The following FGF9 variants were observed in gnomAD, a reference collection of about 807,000 sequenced individuals.
The protein encoded by FGF9 is fibroblast growth factor 9.
A neutral mutation model predicts 19.9 loss-of-function variants in FGF9; 3 were observed. That is an observed-to-expected ratio of 0.15 (90% CI 0.07 to 0.39). FGF9 has a LOEUF of 0.39. Among genes scored for constraint, FGF9 ranks in the 10% least tolerant of loss-of-function variants. FGF9 has a pLI of 1.00. For synonymous variants in FGF9, 107 were observed against 106.9 expected, an observed-to-expected ratio of 1.00 and a Z score of -0.01; for missense variants, 175 against 256.8, an observed-to-expected ratio of 0.68 and a Z score of 2.18.
At position 21,692,327 on chromosome 13, in the gene FGF9, A is replaced by G. The variant is rs531756352; in HGVS notation, c.382-8863A>G. Among the ~76,000 whole-genome samples, 17 of 150,178 alleles carry G rather than the reference A, an allele frequency of 1.1e-4. No homozygotes were observed. In the East Asian group the frequency reaches 2.0e-3, roughly 17 times the overall value. On this transcript the variant is annotated intron_variant, in intron 2 of 2. Transcript: ENST00000382353. ...CCATGTGAATTTCTGTGTTTCAGCT[A>G]TTTTTCTTCTGGTTGTGTTGACTTG...
At chr13:21,696,902 A>G (rs1042720671) in intron 2 of FGF9, among the ~76,000 whole-genome samples, 2 of 152,236 alleles carry the variant, frequency 1.3e-5, no homozygotes, top group Admixed American at 6.5e-5. Context: ...AAGCATATGT[A>G]TGATTTAGAT....
intron 2 of FGF9, among the ~76,000 whole-genome samples, chr13:21,690,685 GC>G (rs1872269423): frequency 6.6e-6 from 1 of 152,174 alleles, no homozygotes; most frequent in South Asian, 2.1e-4. Context: ...GTGGTCGTGG[GC>G]AAAAAATGTG....
intron 2 of FGF9, among the ~76,000 whole-genome samples, chr13:21,695,083 CGTGTGTGTGT>C (rs59076902): frequency 1.0e-4 from 14 of 137,144 alleles, no homozygotes; most frequent in Non-Finnish European, 1.7e-4. Flanking sequence ...TGTGTGTGTG[CGTGTGTGTGT>C]GTGTGTGTGT....
rs763743837 is a variant in FGF9 at position 21,701,346 on chromosome 13, C to T, written c.538C>T (p.Arg180Trp). 22 of 1,613,838 alleles carry T rather than the reference C, an allele frequency of 1.4e-5. No homozygotes were observed. The highest frequency in any genetic ancestry group is 1.7e-5 in the Non-Finnish European group (20 of 1,180,012). Residue 180 changes from arginine (R) to tryptophan (W), a missense_variant, in exon 3 of 3, where the codon CGG becomes TGG. By Grantham distance (101) the Arg-to-Trp change is moderately radical (BLOSUM62 -3). Transcript: ENST00000382353. Reference sequence around the variant, plus strand: ...CCCGAGAGAAGGGACTAGGACTAAACGGCACCAGAAATTCACACATTTTTT... The same window carrying T: ...CCCGAGAGAAGGGACTAGGACTAAATGGCACCAGAAATTCACACATTTTTT... ...GTPREGTRTK[R>W]HQKFTHFLPR...
rs1215920854 is a variant in FGF9, at chr13:21,702,818, A to G, written c.*1383A>G. 1 of 152,222 alleles carries G rather than the reference A, an allele frequency of 6.6e-6. No individual in the cohort carries two copies. The highest frequency in any genetic ancestry group is 2.4e-5 in the African/African-American group (1 of 41,466). 9.4% of individuals were successfully genotyped at this position (152,222 alleles called of 1,614,324 possible). Reference sequence around the variant, plus strand: ...CCCTTAGTAAAACTTGCAAAATGAAACTAATAAATCGTTATCAATAATGAC... The same window carrying G: ...CCCTTAGTAAAACTTGCAAAATGAAGCTAATAAATCGTTATCAATAATGAC... On this transcript the variant is annotated 3_prime_UTR_variant, in exon 3 of 3. Coordinates refer to ENST00000382353, the MANE Select transcript of FGF9 (RefSeq NM_002010.3).
intron 2 of FGF9, among the ~76,000 whole-genome samples, chr13:21,692,789 C>G (rs911740246): frequency 2.6e-5 from 4 of 152,118 alleles, no homozygotes; most frequent in Non-Finnish European, 5.9e-5. Context: ...GACACAGCCT[C>G]CGAAGATAAA....
rs1871768439 is a variant in FGF9 at position 21,671,622 on chromosome 13, G to C, written c.-291G>C. Reference sequence around the variant, plus strand: ...GGATGAAGACCTTCCTGCCTGCTAAGAGCTGGGGATCTATCTATAGAGATA... The same window carrying C: ...GGATGAAGACCTTCCTGCCTGCTAACAGCTGGGGATCTATCTATAGAGATA... On this transcript the variant is annotated 5_prime_UTR_variant, in exon 1 of 3. Coordinates refer to ENST00000382353, the MANE Select transcript of FGF9 (RefSeq NM_002010.3). 1.8e-6 allele frequency: 1 copy of C among 557,030 alleles called. No individual in the cohort carries two copies. Among genetic ancestry groups the C allele is most frequent in the East Asian group, 2.9e-5 (1 of 34,832 alleles). 34.5% of individuals were successfully genotyped at this position (557,030 alleles called of 1,614,324 possible).
At position 21,700,810 on chromosome 13, in the gene FGF9, T is replaced by C. The variant is rs1463739183; in HGVS notation, c.382-380T>C. On this transcript the variant is annotated intron_variant, in intron 2 of 2. Coordinates refer to ENST00000382353, the MANE Select transcript of FGF9 (RefSeq NM_002010.3). Reference sequence around the variant, plus strand: ...GAGTTTAACTAGAAAACGTTTAGACTCTTTAGTGTTTTAGTCATTATGAGT... The same window carrying C: ...GAGTTTAACTAGAAAACGTTTAGACCCTTTAGTGTTTTAGTCATTATGAGT... 2.0e-5 allele frequency among the ~76,000 whole-genome samples: 3 copies of C among 152,348 alleles called. No homozygotes were observed. The East Asian group carries it at 5.8e-4, about 29-fold the overall frequency.
At position 21,675,924 on chromosome 13, in the gene FGF9, C is replaced by CTT. The variant is rs58436546; in HGVS notation, c.277+3749_277+3750dup. Among the ~76,000 whole-genome samples the CTT allele has an allele frequency of 2.6e-4, 36 of 137,590 alleles. 1 individual carries two copies. Among genetic ancestry groups the CTT allele is most frequent in the East Asian group, 8.3e-4 (4 of 4,810 alleles). The allele number at this position is 137,590 out of a possible 152,430, so 90.3% of individuals were successfully genotyped here. A position where few individuals can be genotyped will look rare whatever the true frequency, so the allele number is the denominator to read the frequency against. On this transcript the variant is annotated intron_variant, in intron 1 of 2. Transcript: ENST00000382353. ...AACTTAGGTGGGACCTTGAAGGAGCCTTTTTTTTTTTTTTTCCCCCTCGGA... is the reference window on the plus strand; with the variant it reads ...AACTTAGGTGGGACCTTGAAGGAGCCTTTTTTTTTTTTTTTTTCCCCCTCGGA...
chr13:21,703,804 T>C lies in FGF9; in HGVS notation c.*2369T>C, dbSNP rs1872596981. The C allele has an allele frequency of 6.6e-6, 1 of 151,856 alleles. No individual in the cohort carries two copies. The highest frequency in any genetic ancestry group is 6.6e-5 in the Admixed American group (1 of 15,238). 9.4% of individuals were successfully genotyped at this position (151,856 alleles called of 1,614,324 possible). The stretch of plus-strand genomic sequence containing the variant: ...GATAATCGACCTAAAAGAAAGAAAA[T>C]TGTGAAAAAGACAAAAATCTTCATG... On this transcript the variant is annotated 3_prime_UTR_variant, in exon 3 of 3. Coordinates refer to ENST00000382353, the MANE Select transcript of FGF9 (RefSeq NM_002010.3).
At position 21,675,938 on chromosome 13, in the gene FGF9, T is replaced by C. The variant is rs1183074730; in HGVS notation, c.277+3749T>C. Reference sequence around the variant, plus strand: ...CTTGAAGGAGCCTTTTTTTTTTTTTTTCCCCCTCGGATTGGTGGTGTGGAG... The same window carrying C: ...CTTGAAGGAGCCTTTTTTTTTTTTTCTCCCCCTCGGATTGGTGGTGTGGAG... On this transcript the variant is annotated intron_variant, in intron 1 of 2. Coordinates refer to ENST00000382353, the MANE Select transcript of FGF9 (RefSeq NM_002010.3). Among the ~76,000 whole-genome samples the C allele has an allele frequency of 2.6e-3, 395 of 150,928 alleles. 4 individuals are homozygous for C. The highest frequency in any genetic ancestry group is 9.0e-3 in the African/African-American group (370 of 40,892).
intron 1 of FGF9, among the ~76,000 whole-genome samples, chr13:21,676,653 G>C (rs961184647): frequency 2.0e-4 from 30 of 152,208 alleles, no homozygotes; most frequent in Non-Finnish European, 1.5e-5. Flanking sequence ...AGCTCTGCAG[G>C]GAAGAGGCTT....
chr13:21,678,617 A>C (rs961253714), intron 1 of FGF9, among the ~76,000 whole-genome samples: 1 of 152,264 alleles, frequency 6.6e-6, no homozygotes, highest in East Asian at 1.9e-4. Context: ...CATGCACCTT[A>C]TTCTTTGTTG....
At position 21,702,218 on chromosome 13, in the gene FGF9, G is replaced by A. The variant is rs1470003729; in HGVS notation, c.*783G>A. The stretch of plus-strand genomic sequence containing the variant: ...CATGCAAGTAGATATAATGGTGCAT[G>A]GATATAAGAAATTCTAATGACCCTA... On this transcript the variant is annotated 3_prime_UTR_variant, in exon 3 of 3. Transcript: ENST00000382353. 2 of 152,236 alleles carry A rather than the reference G, an allele frequency of 1.3e-5. No homozygotes were observed. The highest frequency in any genetic ancestry group is 3.9e-4 in the East Asian group (2 of 5,186). 9.4% of individuals were successfully genotyped at this position (152,236 alleles called of 1,614,324 possible). A position where few individuals can be genotyped will look rare whatever the true frequency, so the allele number is the denominator to read the frequency against.
chr13:21,690,509 C>G (rs756038405), intron 2 of FGF9, among the ~76,000 whole-genome samples: 7 of 152,164 alleles, frequency 4.6e-5, no homozygotes, highest in Non-Finnish European at 1.0e-4. Context: ...CCAAAGTCAA[C>G]AAGTCTTATT....
chr13:21,682,699 T>C (rs1872069531), intron 2 of FGF9, among the ~76,000 whole-genome samples: 1 of 151,264 alleles, frequency 6.6e-6, no homozygotes, highest in African/African-American at 2.4e-5. Flanking sequence ...CTTCAGTTTT[T>C]TTTTTTTTTT....
chr13:21,684,331 CTT>C (rs547112331), intron 2 of FGF9, among the ~76,000 whole-genome samples: 1 of 146,422 alleles, frequency 6.8e-6, no homozygotes. Flanking sequence ...GGACCACATT[CTT>C]TTTTTTTTTG....
intron 2 of FGF9, among the ~76,000 whole-genome samples, chr13:21,689,351 C>T (rs991728400): frequency 6.6e-6 from 1 of 152,196 alleles, no homozygotes; most frequent in East Asian, 1.9e-4. Flanking sequence ...CTGTGCTTCC[C>T]ATGGTCCTGC....
chr13:21,687,058 G>A (rs1032784927), intron 2 of FGF9, among the ~76,000 whole-genome samples: 20 of 152,164 alleles, frequency 1.3e-4, no homozygotes, highest in African/African-American at 4.1e-4. Flanking sequence ...TGTTTCCAAG[G>A]ACACAACAGG....
Sources: allele counts gnomAD v4.1 joint callset (sites outside exome capture counted in the v4.1 genomes callset), GRCh38; gene constraint gnomAD v4.1.1; transcripts MANE v1.5; gene names NCBI Gene and HGNC (gene_info 2026-07-23, HGNC 2026-07-21).